The following IL19 variants were observed in gnomAD, a reference collection of about 807,000 sequenced individuals.
The protein encoded by IL19 is interleukin 19.
In IL19, 15 loss-of-function variants were observed where a neutral mutation model predicts 19.5. The observed-to-expected ratio is 0.77, with a 90% CI of 0.52 to 1.19. The LOEUF (loss-of-function observed/expected upper bound fraction) is 1.19. Ranked by LOEUF, IL19 falls within the 50% of genes most tolerant of loss-of-function variation. The probability of loss-of-function intolerance (pLI) is 0.00; values close to 1 mark genes in which losing one functional copy is unlikely to be tolerated. For missense variants in IL19, 199 were observed against 213.1 expected, an observed-to-expected ratio of 0.93 and a Z score of 0.41; for synonymous variants, 78 against 78.3, an observed-to-expected ratio of 1.00 and a Z score of 0.02.
chr1:206,835,869 G>A (rs1676773062), intron 2 of IL19, among the ~76,000 whole-genome samples: 1 of 152,254 alleles, frequency 6.6e-6, no homozygotes, highest in African/African-American at 2.4e-5. Flanking sequence ...AATACAAAGT[G>A]GTTAAATGAA....
chr1:206,827,320 T>C (rs1676462289), intron 2 of IL19, among the ~76,000 whole-genome samples: 1 of 152,252 alleles, frequency 6.6e-6, no homozygotes, highest in South Asian at 2.1e-4. Context: ...TAATTTGTTG[T>C]AATTTCTTTC....
At chr1:206,840,161 G>A (rs1352341839) in intron 5 of IL19, 159 bp downstream of exon 5, 1 of 826,614 alleles carries the variant, frequency 1.2e-6, no homozygotes, top group Admixed American at 2.0e-5. Context: ...TCTCCCAGTG[G>A]CCACTGCTTC....
chr1:206,803,209 A>G (rs897099648), intron 2 of IL19, among the ~76,000 whole-genome samples: 3 of 152,264 alleles, frequency 2.0e-5, no homozygotes, highest in South Asian at 2.1e-4. Flanking sequence ...TCTGTAATGC[A>G]GTTACATCCA....
chr1:206,842,663 C>A lies in IL19; in HGVS notation c.*41C>A. On this transcript the variant is annotated 3_prime_UTR_variant, in exon 7 of 7. Transcript: ENST00000659997. ...ATAGTGATCCAGGGATGAACACCCCCTGTGCGGTTTACTGTGGGAGACAGC... is the reference window on the plus strand; with the variant it reads ...ATAGTGATCCAGGGATGAACACCCCATGTGCGGTTTACTGTGGGAGACAGC... 1 of 1,260,316 alleles carries A rather than the reference C, an allele frequency of 7.9e-7. No homozygotes were observed. 78.1% of individuals were successfully genotyped at this position (1,260,316 alleles called of 1,614,324 possible). A position where few individuals can be genotyped will look rare whatever the true frequency, so the allele number is the denominator to read the frequency against.
rs891436625 is a variant in IL19, at chr1:206,808,364, C to T, written c.-3+9358C>T. Among the ~76,000 whole-genome samples the T allele has an allele frequency of 5.9e-5, 9 of 152,152 alleles. No individual in the cohort carries two copies. The East Asian group carries it at 1.7e-3, about 29-fold the overall frequency. Reference sequence around the variant, plus strand: ...AAACAACAACAAAAAACAAACCATACCAAACAAAAGATATTGACTGATGTG... The same window carrying T: ...AAACAACAACAAAAAACAAACCATATCAAACAAAAGATATTGACTGATGTG... On this transcript the variant is annotated intron_variant, in intron 2 of 6. Coordinates refer to ENST00000659997, the MANE Select transcript of IL19 (RefSeq NM_153758.5).
chr1:206,839,374 C>A (rs1676919412), intron 4 of IL19, among the ~76,000 whole-genome samples: 1 of 152,186 alleles, frequency 6.6e-6, no homozygotes, highest in Non-Finnish European at 1.5e-5. Flanking sequence ...GAATGCATAC[C>A]TAGCAGGATG....
At chr1:206,792,460 C>T (rs766860823) in intron 1 of IL19, among the ~76,000 whole-genome samples, 15 of 152,020 alleles carry the variant, frequency 9.9e-5, no homozygotes, top group East Asian at 3.9e-4. Flanking sequence ...CCCCCCACCC[C>T]GCCTTTTTTT....
At chr1:206,826,833 G>A (rs1195851360) in intron 2 of IL19, among the ~76,000 whole-genome samples, 1 of 152,178 alleles carries the variant, frequency 6.6e-6, no homozygotes, top group African/African-American at 2.4e-5. Context: ...GGAGGGAAGA[G>A]ATGCCTGTTT....
rs567896931 is a variant in IL19, at chr1:206,780,536, C to T, written c.-149+9458C>T. Among the ~76,000 whole-genome samples, 8 of 152,306 alleles carry T rather than the reference C, an allele frequency of 5.3e-5. No homozygotes were observed. In the South Asian group the frequency reaches 1.0e-3, roughly 20 times the overall value. On this transcript the variant is annotated intron_variant, in intron 1 of 6. Coordinates refer to ENST00000659997, the MANE Select transcript of IL19 (RefSeq NM_153758.5). ...TTTTCCAGTTTTTAAAAGAATTGAT[C>T]TGATTACTAATTAGTGCTCTTCCAG...
chr1:206,781,434 A>AAAAAG (rs1675127447), intron 1 of IL19, among the ~76,000 whole-genome samples: 5 of 149,200 alleles, frequency 3.4e-5, no homozygotes, highest in South Asian at 2.2e-4. Context: ...AAAAAAAAAA[A>AAAAAG]AAAAGAAAAA....
At chr1:206,842,174 C>T (rs1677038626) in intron 6 of IL19, among the ~76,000 whole-genome samples, 1 of 151,954 alleles carries the variant, frequency 6.6e-6, no homozygotes, top group African/African-American at 2.4e-5. Context: ...TCTGGGATAA[C>T]AGAAGCACTA....
rs1202275301 is a variant in IL19, at chr1:206,826,222, C to T, written c.-2-10439C>T. ...ATTGTACCTTGCTTTGAATTTTAGC[C>T]CTAAGCTGCAAATCCTAGCTAACTT... On this transcript the variant is annotated intron_variant, in intron 2 of 6. Coordinates refer to ENST00000659997, the MANE Select transcript of IL19 (RefSeq NM_153758.5). Among the ~76,000 whole-genome samples the T allele has an allele frequency of 2.0e-5, 3 of 152,156 alleles. 1 individual carries two copies.
chr1:206,838,067 T>A (rs1465261911), intron 4 of IL19, among the ~76,000 whole-genome samples: 1 of 152,218 alleles, frequency 6.6e-6, no homozygotes, highest in Non-Finnish European at 1.5e-5. Context: ...TCAATGAGAT[T>A]TTTGAGCCCA....
intron 1 of IL19, among the ~76,000 whole-genome samples, chr1:206,787,926 T>C (rs1181934760): frequency 6.6e-6 from 1 of 152,142 alleles, no homozygotes; most frequent in African/African-American, 2.4e-5. Context: ...TGCAGCCCCA[T>C]CAGGTCTCGC....
rs751033902 is a variant in IL19, at chr1:206,775,274, G to A, written c.-149+4196G>A. ...TCACTGTGTTAACCAGGATGGTCTC[G>A]ATCTCCTGACCTTATGATCCGCCCG... is the stretch of plus-strand genomic sequence containing the variant. On this transcript the variant is annotated intron_variant, in intron 1 of 6. Coordinates refer to ENST00000659997, the MANE Select transcript of IL19 (RefSeq NM_153758.5). Among the ~76,000 whole-genome samples the A allele has an allele frequency of 1.2e-4, 18 of 151,836 alleles. No homozygotes were observed. The South Asian group carries it at 1.5e-3, about 12-fold the overall frequency.
At chr1:206,802,785 C>T (rs927000455) in intron 2 of IL19, among the ~76,000 whole-genome samples, 5 of 152,044 alleles carry the variant, frequency 3.3e-5, no homozygotes, top group Admixed American at 1.3e-4. Flanking sequence ...GCTCTGTCCT[C>T]TATGCCCACA....
At chr1:206,794,200 A>G (rs1460969073) in intron 1 of IL19, among the ~76,000 whole-genome samples, 1 of 152,204 alleles carries the variant, frequency 6.6e-6, no homozygotes, top group Non-Finnish European at 1.5e-5. Context: ...CTAAATTCAT[A>G]TGAACCTTTC....
In IL19 at chr1:206,771,182, A is replaced by G. The variant is rs1014838285; in HGVS notation, c.-149+104A>G. 3 of 1,248,636 alleles carry G rather than the reference A, an allele frequency of 2.4e-6. No homozygotes were observed. In the Admixed American group the frequency reaches 5.1e-5, roughly 21 times the overall value. 77.3% of individuals were successfully genotyped at this position (1,248,636 alleles called of 1,614,324 possible). The stretch of plus-strand genomic sequence containing the variant: ...TCCTCCTTCACCAGAAGCCTCCCCG[A>G]AGGGACTGAGCCCTTTGTAAACCCT... On this transcript the variant is annotated intron_variant, in intron 1 of 6. Transcript: ENST00000659997.
intron 4 of IL19, among the ~76,000 whole-genome samples, chr1:206,839,561 G>A (rs1189439511): frequency 1.3e-5 from 2 of 152,152 alleles, no homozygotes; most frequent in African/African-American, 4.8e-5. Flanking sequence ...TGACACGCTA[G>A]GGATACTGCA....
Sources: allele counts gnomAD v4.1 joint callset (sites outside exome capture counted in the v4.1 genomes callset), GRCh38; gene constraint gnomAD v4.1.1; transcripts MANE v1.5; gene names NCBI Gene and HGNC (gene_info 2026-07-23, HGNC 2026-07-21).